The following CSMD1 variants were observed in gnomAD, a reference collection of about 807,000 sequenced individuals.
CSMD1 encodes CUB and sushi domain-containing protein 1.
CSMD1 carries 213 observed loss-of-function variants against 417.5 expected under a neutral mutation model. The ratio of observed to expected loss-of-function variants is 0.51; its 90% CI spans 0.46 to 0.57. The LOEUF (loss-of-function observed/expected upper bound fraction) is 0.57. CSMD1 is among the 20% of genes least tolerant of loss of function. The probability of loss-of-function intolerance (pLI) is 0.00; values close to 1 mark genes in which losing one functional copy is unlikely to be tolerated. For synonymous variants in CSMD1, 2,862 were observed against 1,736.8 expected, an observed-to-expected ratio of 1.65 and a Z score of -16.11; for missense variants, 6,923 against 4,529.7, an observed-to-expected ratio of 1.53 and a Z score of -15.17.
intron 5 of CSMD1, among the ~76,000 whole-genome samples, chr8:3,801,515 G>C (rs1026672781): frequency 6.6e-6 from 1 of 152,132 alleles, no homozygotes; most frequent in Non-Finnish European, 1.5e-5. Context: ...CTCTCGTGTT[G>C]CTTGTCGGAA....
At chr8:4,461,259 AG>A (rs932807606) in intron 2 of CSMD1, among the ~76,000 whole-genome samples, 2 of 152,080 alleles carry the variant, frequency 1.3e-5, no homozygotes, top group Non-Finnish European at 2.9e-5. Flanking sequence ...ACCTGCGAAA[AG>A]CCTACAGTTA....
In CSMD1 at chr8:4,517,664, G is replaced by C. The variant is rs570957886; in HGVS notation, c.303-97599C>G. Among the ~76,000 whole-genome samples, 3 of 152,184 alleles carry C rather than the reference G, an allele frequency of 2.0e-5. No homozygotes were observed. The South Asian group carries it at 6.2e-4, about 32-fold the overall frequency. ...CGAAGTTATTCAAACTGAATAAATG[G>C]GTATGAATATATGTTAATAATCAAA... is the stretch of plus-strand genomic sequence containing the variant. On this transcript the variant is annotated intron_variant, in intron 2 of 69. Coordinates refer to ENST00000635120, the MANE Select transcript of CSMD1 (RefSeq NM_033225.6).
chr8:3,508,862 C>G (rs1443115881), intron 10 of CSMD1, among the ~76,000 whole-genome samples: 1 of 152,100 alleles, frequency 6.6e-6, no homozygotes, highest in Non-Finnish European at 1.5e-5. Context: ...GAAACGGTGA[C>G]AAAAGTGACC....
rs529608081 is a variant in CSMD1, at chr8:4,380,040, A to T, written c.415+39913T>A. 1.2e-3 allele frequency among the ~76,000 whole-genome samples: 187 copies of T among 152,346 alleles called. 2 individuals are homozygous for T. Among genetic ancestry groups the T allele is most frequent in the African/African-American group, 4.3e-3 (179 of 41,572 alleles). ...TCAATGTGGGTAGCCCAAGGTATAA[A>T]TTAAATATCCATCAATCCATATGAA... On this transcript the variant is annotated intron_variant, in intron 3 of 69. Transcript: ENST00000635120.
intron 1 of CSMD1, among the ~76,000 whole-genome samples, chr8:4,931,469 G>A (rs12334920): frequency 0.05 from 7,646 of 152,162 alleles, 222 homozygotes; most frequent in African/African-American, 0.071. Context: ...CCCACCGTCT[G>A]TCCCAGCAAT....
intron 1 of CSMD1, among the ~76,000 whole-genome samples, chr8:4,706,733 G>A (rs1807964880): frequency 6.6e-6 from 1 of 152,176 alleles, no homozygotes; most frequent in South Asian, 2.1e-4. Context: ...TGTGGCCGGG[G>A]AGGCAGAGGG....
chr8:3,248,655 T>G lies in CSMD1; in HGVS notation c.4154-18424A>C, dbSNP rs371177942. 1.1e-3 allele frequency among the ~76,000 whole-genome samples: 164 copies of G among 150,830 alleles called. 2 individuals carry two copies. In the South Asian group the frequency reaches 0.034, roughly 31 times the overall value. ...CGCTCCCTCACTCTTTTTACTCATG[T>G]CAGCAATACTTGATTTGTTTTTATT... is the stretch of plus-strand genomic sequence containing the variant. On this transcript the variant is annotated intron_variant, in intron 26 of 69. Coordinates refer to ENST00000635120, the MANE Select transcript of CSMD1 (RefSeq NM_033225.6).
At chr8:4,255,381 C>CA (rs1803383472) in intron 3 of CSMD1, among the ~76,000 whole-genome samples, 1 of 151,968 alleles carries the variant, frequency 6.6e-6, no homozygotes, top group Non-Finnish European at 1.5e-5. Flanking sequence ...GGTGACTGAG[C>CA]AAAAAAATTA....
At chr8:4,094,250 T>C (rs1407681121) in intron 3 of CSMD1, among the ~76,000 whole-genome samples, 1 of 152,040 alleles carries the variant, frequency 6.6e-6, no homozygotes, top group Non-Finnish European at 1.5e-5. Context: ...AGTTGACTGT[T>C]TGTAAATCAG....
chr8:3,696,867 G>A (rs943854701), intron 7 of CSMD1, among the ~76,000 whole-genome samples: 1 of 152,086 alleles, frequency 6.6e-6, no homozygotes, highest in African/African-American at 2.4e-5. Context: ...CTATATTAGT[G>A]TAGCTCATAT....
intron 30 of CSMD1, among the ~76,000 whole-genome samples, chr8:3,209,509 C>T (rs1262398892): frequency 6.6e-5 from 10 of 151,808 alleles, no homozygotes; most frequent in Non-Finnish European, 1.3e-4. Flanking sequence ...TTAGTGGAAA[C>T]GGGGTTTCAC....
At chr8:4,379,510 A>C (rs1049345884) in intron 3 of CSMD1, among the ~76,000 whole-genome samples, 2 of 152,210 alleles carry the variant, frequency 1.3e-5, no homozygotes, top group African/African-American at 4.8e-5. Flanking sequence ...TTAGCACTGG[A>C]AGGCAAGTGG....
intron 3 of CSMD1, among the ~76,000 whole-genome samples, chr8:4,223,617 A>C (rs1801175018): frequency 6.6e-6 from 1 of 152,240 alleles, no homozygotes; most frequent in Admixed American, 6.5e-5. Context: ...CATGGGAAAG[A>C]ATAGATTAGC....
rs751780275 is a variant in CSMD1 at position 3,142,541 on chromosome 8, G to A, written c.6165C>T (p.Ser2055=). The A allele has an allele frequency of 2.9e-5, 46 of 1,613,878 alleles. No individual in the cohort carries two copies. Among genetic ancestry groups the A allele is most frequent in the Non-Finnish European group, 1.7e-5 (20 of 1,179,902 alleles). Residue 2055 remains serine (S), a synonymous_variant, in exon 41 of 70, where the codon AGC becomes AGT. Coordinates refer to ENST00000635120, the MANE Select transcript of CSMD1 (RefSeq NM_033225.6). ...AGTGGATGAGGGTTTCATGCGTTGT[G>A]CTCAGCAGGGCCGCGGGGAGATCCG... is the stretch of plus-strand genomic sequence containing the variant. ...SGTDLPAALL[S]TTHETLIHFY...
chr8:3,953,221 C>G (rs938322222), intron 5 of CSMD1, among the ~76,000 whole-genome samples: 73 of 152,000 alleles, frequency 4.8e-4, no homozygotes, highest in African/African-American at 1.6e-3. Flanking sequence ...GGATTAAAAT[C>G]AAGAAAATAT....
At chr8:4,471,130 C>T (rs1298782222) in intron 2 of CSMD1, among the ~76,000 whole-genome samples, 2 of 151,956 alleles carry the variant, frequency 1.3e-5, no homozygotes, top group Admixed American at 6.6e-5. Flanking sequence ...TAAAATTATC[C>T]TTCAACAGAA....
chr8:3,801,552 GA>G lies in CSMD1; in HGVS notation c.819-47511del, dbSNP rs538661123. On this transcript the variant is annotated intron_variant, in intron 5 of 69. Coordinates refer to ENST00000635120, the MANE Select transcript of CSMD1 (RefSeq NM_033225.6). ...GTAAAATGTTAGAGATATGCTGGAA[GA>G]CAGTTTTGCAATTCCTCAAATGGTT... 4.9e-3 allele frequency among the ~76,000 whole-genome samples: 745 copies of G among 152,198 alleles called. 4 individuals are homozygous for G. The highest frequency in any genetic ancestry group is 0.018 in the African/African-American group (728 of 41,520).
intron 54 of CSMD1, among the ~76,000 whole-genome samples, chr8:2,985,818 T>A (rs1805845110): frequency 6.6e-6 from 1 of 151,976 alleles, no homozygotes; most frequent in Admixed American, 6.6e-5. Context: ...TTTCAATTTA[T>A]TCTACAAGGA....
intron 5 of CSMD1, among the ~76,000 whole-genome samples, chr8:3,782,455 C>T (rs7838414): frequency 0.14 from 21,909 of 152,016 alleles, 2,166 homozygotes; most frequent in African/African-American, 0.27. Flanking sequence ...GCAGTAATGA[C>T]GCATAACATG....
Sources: allele counts gnomAD v4.1 joint callset (sites outside exome capture counted in the v4.1 genomes callset), GRCh38; gene constraint gnomAD v4.1.1; transcripts MANE v1.5; gene names NCBI Gene and HGNC (gene_info 2026-07-23, HGNC 2026-07-21).